Variants in C9orf85 observed in about 807,000 individuals in gnomAD.
C9orf85 encodes the protein uncharacterized protein C9orf85.
C9orf85 carries 16 observed loss-of-function variants against 14.9 expected under a neutral mutation model. The observed-to-expected ratio is 1.08, with a 90% CI of 0.73 to 1.63. C9orf85 has a LOEUF of 1.63. C9orf85 is among the 40% of genes most tolerant of loss of function. The pLI is 0.00. For missense variants in C9orf85, 172 were observed against 186.1 expected, an observed-to-expected ratio of 0.92 and a Z score of 0.44; for synonymous variants, 45 against 56.8, an observed-to-expected ratio of 0.79 and a Z score of 0.93.
At chr9:71,933,180 G>T (rs948900463) in intron 1 of C9orf85, among the ~76,000 whole-genome samples, 6 of 152,154 alleles carry the variant, frequency 3.9e-5, no homozygotes, top group Admixed American at 3.9e-4. Flanking sequence ...AAGGAGAAGA[G>T]AGAAAGTGGC....
chr9:71,913,276 G>C (rs1827562310), intron 1 of C9orf85, among the ~76,000 whole-genome samples: 1 of 151,964 alleles, frequency 6.6e-6, no homozygotes, highest in Admixed American at 6.6e-5. Flanking sequence ...TTCTTTCTTT[G>C]CTTATTCTAC....
intron 1 of C9orf85, among the ~76,000 whole-genome samples, chr9:71,913,814 C>CA (rs1185238383): frequency 2.0e-5 from 3 of 149,244 alleles, no homozygotes; most frequent in African/African-American, 7.3e-5. Flanking sequence ...ATAACTATGT[C>CA]ATTCTGGTCC....
chr9:71,917,663 C>T (rs996970670), intron 1 of C9orf85, among the ~76,000 whole-genome samples: 2 of 152,154 alleles, frequency 1.3e-5, no homozygotes, highest in Non-Finnish European at 2.9e-5. Flanking sequence ...GCAGATGAAT[C>T]TTGGAAACAC....
chr9:71,973,860 GTTT>G (rs60163753), downstream of C9orf85, among the ~76,000 whole-genome samples: 3 of 142,592 alleles, frequency 2.1e-5, no homozygotes, highest in Non-Finnish European at 3.0e-5. Context: ...GGGTTTTGTT[GTTT>G]TTTTTTTTTA....
intron 3 of C9orf85, among the ~76,000 whole-genome samples, chr9:71,979,970 T>C (rs1156524637): frequency 6.6e-6 from 1 of 152,072 alleles, no homozygotes; most frequent in African/African-American, 2.4e-5. Context: ...TTTTTACTTG[T>C]TTAATATAGT....
chr9:71,953,941 A>ATT (rs1822310354), intron 2 of C9orf85, among the ~76,000 whole-genome samples: 1 of 152,098 alleles, frequency 6.6e-6, no homozygotes, highest in African/African-American at 2.4e-5. Context: ...TCTACAAATA[A>ATT]TTTTAAAAAT....
Position 71,951,337 on chromosome 9 carries a change from C to T in C9orf85, c.209+4225C>T, listed in dbSNP as rs79996748. On this transcript the variant is annotated intron_variant, in intron 2 of 3. Coordinates refer to ENST00000334731, the MANE Select transcript of C9orf85 (RefSeq NM_182505.5). ...GGATAAAAAGCATCTCACTTATCAG[C>T]GATACATAAACAGTGTGACAGTGGT... is the stretch of plus-strand genomic sequence containing the variant. Among the ~76,000 whole-genome samples the T allele has an allele frequency of 2.6e-4, 40 of 152,222 alleles. 1 individual carries two copies. In the East Asian group the frequency reaches 6.4e-3, roughly 24 times the overall value.
intron 1 of C9orf85, among the ~76,000 whole-genome samples, chr9:71,919,554 C>G (rs1827740368): frequency 6.6e-6 from 1 of 151,632 alleles, no homozygotes; most frequent in Non-Finnish European, 1.5e-5. Context: ...TAAATGTATT[C>G]CCTCCTCCAT....
chr9:71,912,199 G>C lies in C9orf85; in HGVS notation c.102+363G>C, dbSNP rs146975694. Among the ~76,000 whole-genome samples the C allele has an allele frequency of 9.0e-4, 137 of 152,180 alleles. 1 individual carries two copies. Among genetic ancestry groups the C allele is most frequent in the Middle Eastern group, 3.4e-3 (1 of 294 alleles). ...GTGGCTTTTTCAAATTTTACACCAA[G>C]TTTATGCAGCTACGATTTTTTTTTC... On this transcript the variant is annotated intron_variant, in intron 1 of 3. Coordinates refer to ENST00000334731, the MANE Select transcript of C9orf85 (RefSeq NM_182505.5).
intron 1 of C9orf85, chr9:71,918,575 T>A: frequency 2.0e-6 from 1 of 495,334 alleles, no homozygotes. Flanking sequence ...TTAAGCTTCA[T>A]CTGTATTTAC....
At position 71,972,704 on chromosome 9, in the gene C9orf85, A is replaced by G. The variant is rs758996313; in HGVS notation, c.336A>G (p.Glu112=). The change falls in exon 4 of 4, where the codon GAA becomes GAG. Residue 112 remains glutamate, a synonymous_variant. Transcript: ENST00000334731. ...KEDIVIPLNK[E]TEKIEHTENN... ...CTTTCATCTTTAGGTTGAATAAAGA[A>G]ACAGAAAAAATAGAACATACTGAAA... The G allele has an allele frequency of 5.7e-6, 9 of 1,578,732 alleles. No individual in the cohort carries two copies. The East Asian group carries it at 1.3e-4, about 24-fold the overall frequency.
intron 2 of C9orf85, among the ~76,000 whole-genome samples, chr9:71,947,956 T>C (rs1429224006): frequency 2.0e-5 from 3 of 152,188 alleles, no homozygotes; most frequent in Admixed American, 1.3e-4. Context: ...TTAACTCTTG[T>C]GTAATTCTGG....
At chr9:71,928,719 T>A (rs770784027) in intron 1 of C9orf85, among the ~76,000 whole-genome samples, 1 of 152,174 alleles carries the variant, frequency 6.6e-6, no homozygotes, top group Non-Finnish European at 1.5e-5. Flanking sequence ...CTTATTTTCC[T>A]TCACACAAGG....
intron 2 of C9orf85, among the ~76,000 whole-genome samples, chr9:71,952,895 TATA>T (rs1314739987): frequency 1.3e-5 from 2 of 151,836 alleles, no homozygotes; most frequent in Non-Finnish European, 2.9e-5. Context: ...TCACCAGCAT[TATA>T]ATGTTAGCCA....
intron 2 of C9orf85, among the ~76,000 whole-genome samples, chr9:71,964,577 C>G (rs960010675): frequency 1.3e-5 from 2 of 151,988 alleles, no homozygotes; most frequent in Non-Finnish European, 2.9e-5. Context: ...GCCAGCGAGA[C>G]CACGAACCCA....
chr9:71,958,356 G>A (rs998794930), intron 2 of C9orf85, among the ~76,000 whole-genome samples: 2 of 150,814 alleles, frequency 1.3e-5, no homozygotes, highest in Non-Finnish European at 2.9e-5. Context: ...TCTGCCTCCC[G>A]GGTTCAAGCC....
At chr9:71,974,900 C>T (rs1430886723), downstream of C9orf85, among the ~76,000 whole-genome samples, 1 of 152,066 alleles carries the variant, frequency 6.6e-6, no homozygotes, top group Non-Finnish European at 1.5e-5. Flanking sequence ...TAAGCTTGAG[C>T]CCCTTTTTGT....
chr9:71,952,395 C>G (rs377342665), intron 2 of C9orf85, among the ~76,000 whole-genome samples: 8 of 152,290 alleles, frequency 5.3e-5, no homozygotes, highest in Admixed American at 2.0e-4. Context: ...GACGGAGTCT[C>G]GCTCTGTCGC....
chr9:71,966,333 G>A (rs1822690195), intron 2 of C9orf85, among the ~76,000 whole-genome samples: 1 of 151,104 alleles, frequency 6.6e-6, no homozygotes, highest in Non-Finnish European at 1.5e-5. Flanking sequence ...TTTAACATGT[G>A]TATTCCATAA....
Sources: allele counts gnomAD v4.1 joint callset (sites outside exome capture counted in the v4.1 genomes callset), GRCh38; gene constraint gnomAD v4.1.1; transcripts MANE v1.5; gene names NCBI Gene and HGNC (gene_info 2026-07-23, HGNC 2026-07-21).